KIFC2: variants seen among roughly 807,000 people sequenced by gnomAD.
The protein encoded by KIFC2 is kinesin-like protein KIFC2.
KIFC2 carries 94 observed loss-of-function variants against 91.5 expected under a neutral mutation model. That is an observed-to-expected ratio of 1.03 (90% CI 0.87 to 1.22). The LOEUF (loss-of-function observed/expected upper bound fraction) is 1.22, where lower values mean the gene tolerates loss of function less well. Ranked by LOEUF, KIFC2 falls within the 50% of genes most tolerant of loss-of-function variation. The pLI, the probability that KIFC2 is intolerant of heterozygous loss-of-function variation, is 0.00. For missense variants in KIFC2, 1,357 were observed against 1,103.3 expected (o/e 1.23, Z -3.26); for synonymous variants, 729 against 503.9 (o/e 1.45, Z -5.98).
intron 4 of KIFC2, 62 bp from the exon 5 acceptor site, chr8:144,467,423 C>T (rs1824715850): frequency 1.9e-6 from 3 of 1,541,984 alleles, no homozygotes; most frequent in African/African-American, 1.4e-5. Context: ...AGTTCGGGGT[C>T]ATGTTCCGGA....
Position 144,468,553 on chromosome 8 carries a change from G to A in KIFC2, c.906G>A (p.Val302=), listed in dbSNP as rs988304436. The A allele has an allele frequency of 2.5e-6, 4 of 1,589,818 alleles. No individual in the cohort carries two copies. The African/African-American group carries it at 4.0e-5, about 16-fold the overall frequency. The change falls in exon 9 of 18, where the codon GTG becomes GTA. Residue 302 remains valine, a synonymous_variant. Transcript: ENST00000645548. The part of the protein sequence containing the change: ...ALRAQLGVQE[V]QLQGLQGALQ... Reference sequence around the variant, plus strand: ...CGGGGCAGCTGGGGGTGCAGGAGGTGCAGCTGCAGGGCCTTCAAGGGGCCC... The same window carrying A: ...CGGGGCAGCTGGGGGTGCAGGAGGTACAGCTGCAGGGCCTTCAAGGGGCCC...
At chr8:144,467,813 A>T (rs772795984) in intron 6 of KIFC2, 34 bp downstream of exon 6, 4 of 1,613,422 alleles carry the variant, frequency 2.5e-6, no homozygotes, top group South Asian at 1.1e-5. Flanking sequence ...AGGGCCGGGC[A>T]TGGAGGGGGT....
chr8:144,472,971 G>A lies in KIFC2; in HGVS notation c.2038G>A (p.Val680Met), dbSNP rs1348694173. 1.4e-6 allele frequency: 2 copies of A among 1,458,004 alleles called. No individual in the cohort carries two copies. The highest frequency in any genetic ancestry group is 1.8e-6 in the Non-Finnish European group (2 of 1,112,910). 90.3% of individuals were successfully genotyped at this position (1,458,004 alleles called of 1,614,324 possible). A position where few individuals can be genotyped will look rare whatever the true frequency, so the allele number is the denominator to read the frequency against. ...CGCACTGCGGGCCCACCGGCCGCAC[G>A]TGCCCTTCCGCGACTCGCAGCTCAC... ...MAALRAHRPH[V>M]PFRDSQLTRL... The change falls in exon 17 of 18, where the codon GTG becomes ATG. Residue 680 changes from valine (V) to methionine (M), a missense_variant. Transcript: ENST00000645548.
rs773081236 is a variant in KIFC2 at position 144,466,397 on chromosome 8, G to T, written c.-23G>T. 3 of 1,106,576 alleles carry T rather than the reference G, an allele frequency of 2.7e-6. No individual in the cohort carries two copies. Among genetic ancestry groups the T allele is most frequent in the East Asian group, 4.1e-5 (1 of 24,172 alleles). The allele number at this position is 1,106,576 out of a possible 1,614,324, so 68.5% of individuals were successfully genotyped here. On this transcript the variant is annotated 5_prime_UTR_variant, in exon 1 of 18. Coordinates refer to ENST00000645548, the MANE Select transcript of KIFC2 (RefSeq NM_001369769.2). ...GGGACGCGGGGCGGCGCGAAGCGGG[G>T]CCCTCTGCCGCCCCGCGCTCCCATG... is the stretch of plus-strand genomic sequence containing the variant.
Position 144,473,479 on chromosome 8 carries a change from C to A in KIFC2, c.*90C>A. 6.9e-7 allele frequency: 1 copy of A among 1,451,470 alleles called. No individual in the cohort carries two copies. The highest frequency in any genetic ancestry group is 1.4e-5 in the African/African-American group (1 of 69,942). 89.9% of individuals were successfully genotyped at this position (1,451,470 alleles called of 1,614,324 possible). ...AGTCCCTGTACCCCGTCTCCCAGGG[C>A]ACAAGCTCCCTAGCCTCTTTGGATC... On this transcript the variant is annotated 3_prime_UTR_variant, in exon 18 of 18. Transcript: ENST00000645548.
At chr8:144,471,920 C>G (rs377051585) in intron 12 of KIFC2, 22 bp from the exon 13 acceptor site, 1 of 1,609,672 alleles carries the variant, frequency 6.2e-7, no homozygotes, top group African/African-American at 1.3e-5. Flanking sequence ...GGACTCAAAA[C>G]ACATTCTCCC....
At position 144,472,779 on chromosome 8, in the gene KIFC2, T is replaced by C; in HGVS notation, c.1862-16T>C. ...GGCCCGGCCTTCCCCCATGTCGGGC[T>C]CGCTCGCCCCTCTAGGCACGCTGCA... On this transcript the variant is annotated splice_polypyrimidine_tract_variant and intron_variant, in intron 16 of 17. Transcript: ENST00000645548. The C allele has an allele frequency of 3.9e-6, 6 of 1,554,986 alleles. No homozygotes were observed. The highest frequency in any genetic ancestry group is 5.2e-6 in the Non-Finnish European group (6 of 1,156,086).
Position 144,471,964 on chromosome 8 carries a change from C to T in KIFC2, c.1403C>T (p.Ala468Val), listed in dbSNP as rs761925425. The T allele has an allele frequency of 6.2e-6, 10 of 1,613,252 alleles. No homozygotes were observed. The highest frequency in any genetic ancestry group is 4.5e-5 in the East Asian group (2 of 44,898). The change falls in exon 13 of 18, where the codon GCG (alanine) becomes GTG (valine). Residue 468 changes from alanine to valine, a missense_variant. Transcript: ENST00000645548. ...QEEVFRELEPAVLSCLRGYSV... is the reference protein window; with the variant it reads ...QEEVFRELEPVVLSCLRGYSV... ...CAGGTCTTCAGAGAGCTGGAACCTGCGGTGCTGTCCTGCCTCCGAGGCTAC... is the reference window on the plus strand; with the variant it reads ...CAGGTCTTCAGAGAGCTGGAACCTGTGGTGCTGTCCTGCCTCCGAGGCTAC...
rs780361524 is a variant in KIFC2 at position 144,467,020 on chromosome 8, C to T, written c.240C>T (p.Ser80=). 25 of 1,597,440 alleles carry T rather than the reference C, an allele frequency of 1.6e-5. No homozygotes were observed. The East Asian group carries it at 2.2e-4, about 14-fold the overall frequency. Residue 80 remains serine (S), a synonymous_variant, in exon 3 of 18, where the codon TCC becomes TCT. Coordinates refer to ENST00000645548, the MANE Select transcript of KIFC2 (RefSeq NM_001369769.2). ...CCGAGGGCCGCGCGGCCGCGGTGTC[C>T]CTGGAAGAGGCCCTACTGCGCCTCG... is the stretch of plus-strand genomic sequence containing the variant. ...GAAEGRAAAV[S]LEEALLRLAE...
intron 1 of KIFC2, 33 bp downstream of exon 1, chr8:144,466,551 C>G: frequency 9.0e-7 from 1 of 1,108,002 alleles, no homozygotes; most frequent in Non-Finnish European, 1.1e-6. Context: ...CCCGTCGTCT[C>G]CCGCCGCCTG....
At chr8:144,466,099 A>G (rs542025791), upstream of KIFC2, 274 of 150,534 alleles carry the variant, frequency 1.8e-3, no homozygotes, top group Middle Eastern at 6.3e-3. Flanking sequence ...GCGAAACCGG[A>G]GCGGTGGGGG....
In KIFC2 at chr8:144,467,041, C is replaced by G; in HGVS notation, c.261C>G (p.Arg87=). 1.3e-6 allele frequency: 2 copies of G among 1,593,756 alleles called. 1 individual carries two copies. Among genetic ancestry groups the G allele is most frequent in the South Asian group, 2.2e-5 (2 of 89,108 alleles). ...AAVSLEEALL[R]LAEFLSVQLG... ...TGTCCCTGGAAGAGGCCCTACTGCG[C>G]CTCGCCGAGTTCCTCTCCGTCCAGC... Residue 87 remains arginine, a synonymous_variant, in exon 3 of 18, where the codon CGC becomes CGG. Coordinates refer to ENST00000645548, the MANE Select transcript of KIFC2 (RefSeq NM_001369769.2).
At position 144,469,654 on chromosome 8, in the gene KIFC2, GC is replaced by G. The variant is rs531651060; in HGVS notation, c.1380+9del. 28 of 1,585,516 alleles carry G rather than the reference GC, an allele frequency of 1.8e-5. No individual in the cohort carries two copies. The East Asian group carries it at 5.8e-4, about 33-fold the overall frequency. On this transcript the variant is annotated splice_region_variant and intron_variant, in intron 12 of 17. Coordinates refer to ENST00000645548, the MANE Select transcript of KIFC2 (RefSeq NM_001369769.2). ...AGACGCCAGCCAGGAGGAGGTGACA[GC>G]CTGCCTTTGCAGCCATCCTGACCCT...
chr8:144,467,456 C>T (rs758600511), intron 4 of KIFC2, 29 bp from the exon 5 acceptor site: 11 of 1,544,742 alleles, frequency 7.1e-6, no homozygotes, highest in African/African-American at 4.1e-5. Flanking sequence ...GAGACCTCTT[C>T]AGTGCTAACT....
In KIFC2 at chr8:144,467,966, G is replaced by T; in HGVS notation, c.789G>T (p.Gly263=). The change falls in exon 7 of 18, where the codon GGG becomes GGT. Residue 263 remains glycine (G), a synonymous_variant. Transcript: ENST00000645548. ...MRDLLLHWGP[G]PPIRAPQEEA... is the part of the protein sequence containing the mutation. ...ACCTCCTGCTGCACTGGGGCCCCGG[G>T]CCCCCCATCAGGGCTCCGCAGGTAC... 2 of 1,583,780 alleles carry T rather than the reference G, an allele frequency of 1.3e-6. No individual in the cohort carries two copies. The highest frequency in any genetic ancestry group is 1.7e-6 in the Non-Finnish European group (2 of 1,169,690).
chr8:144,468,302 T>C, intron 7 of KIFC2, 27 bp from the exon 8 acceptor site: 1 of 1,583,852 alleles, frequency 6.3e-7, no homozygotes, highest in Non-Finnish European at 8.6e-7. Context: ...CCTCTCTGAG[T>C]CCCTCCTGGC....
In KIFC2 at chr8:144,472,644, C is replaced by G. The variant is rs2130020522; in HGVS notation, c.1799C>G (p.Ser600Trp). 1 of 1,601,424 alleles carries G rather than the reference C, an allele frequency of 6.2e-7. No individual in the cohort carries two copies. The highest frequency in any genetic ancestry group is 8.5e-7 in the Non-Finnish European group (1 of 1,179,488). Residue 600 changes from serine (S) to tryptophan (W), a missense_variant, in exon 16 of 18, where the codon TCG becomes TGG. Coordinates refer to ENST00000645548, the MANE Select transcript of KIFC2 (RefSeq NM_001369769.2). Reference sequence around the variant, plus strand: ...GCCATGAACCAGCGCAGCTCCCGCTCGCATGCCCTGGTCACGCTGACGCTG... The same window carrying G: ...GCCATGAACCAGCGCAGCTCCCGCTGGCATGCCCTGGTCACGCTGACGCTG... ...ATAMNQRSSRSHALVTLTLRA... is the reference protein window; with the variant it reads ...ATAMNQRSSRWHALVTLTLRA...
rs1353087928 is a variant in KIFC2 at position 144,472,618 on chromosome 8, C to G, written c.1773C>G (p.Thr591=). Residue 591 remains threonine (T), a synonymous_variant, in exon 16 of 18, where the codon ACC becomes ACG. Transcript: ENST00000645548. ...LGRSNRATAA[T]AMNQRSSRSH... ...GGAGCAACCGGGCCACCGCCGCCAC[C>G]GCCATGAACCAGCGCAGCTCCCGCT... The G allele has an allele frequency of 6.2e-7, 1 of 1,605,532 alleles. No individual in the cohort carries two copies. The highest frequency in any genetic ancestry group is 8.5e-7 in the Non-Finnish European group (1 of 1,179,748).
intron 7 of KIFC2, 124 bp from the exon 8 acceptor site, chr8:144,468,205 G>C (rs1824766061): frequency 9.5e-7 from 1 of 1,053,998 alleles, no homozygotes; most frequent in Admixed American, 2.2e-5. Flanking sequence ...GGAGGTCTGC[G>C]TGGAGCTGGG....
Sources: gnomAD v4.1 joint callset for allele counts on GRCh38, gnomAD v4.1.1 for gene constraint, MANE v1.5 for transcripts, NCBI Gene and HGNC (gene_info 2026-07-23, HGNC 2026-07-21) for gene names.